Variants in ATP2B4 observed in about 807,000 individuals in gnomAD.
ATP2B4 encodes ATPase plasma membrane Ca2+ transporting 4.
Under a neutral mutation model 110.3 loss-of-function variants are expected in ATP2B4, and 39 were observed. The ratio of observed to expected loss-of-function variants is 0.35; its 90% CI spans 0.27 to 0.46. ATP2B4 has a LOEUF of 0.46. Among genes scored for constraint, ATP2B4 ranks in the 20% least tolerant of loss-of-function variants. The pLI is 1.00. For missense variants in ATP2B4, 1,135 were observed against 1,530.9 expected, an observed-to-expected ratio of 0.74 and a Z score of 4.32; for synonymous variants, 538 against 571.7, an observed-to-expected ratio of 0.94 and a Z score of 0.84.
At chr1:203,634,014 C>T (rs1013915380) in intron 1 of ATP2B4, among the ~76,000 whole-genome samples, 19 of 152,128 alleles carry the variant, frequency 1.2e-4, no homozygotes, top group African/African-American at 4.6e-4. Context: ...CACACTATTG[C>T]ACTCCAGCCT....
intron 15 of ATP2B4, among the ~76,000 whole-genome samples, chr1:203,719,161 G>A (rs1167933579): frequency 6.8e-6 from 1 of 146,554 alleles, no homozygotes; most frequent in African/African-American, 2.6e-5. Context: ...AGAATTCAAG[G>A]CTGCAGTGAG....
At position 203,683,138 on chromosome 1, in the gene ATP2B4, A is replaced by G; in HGVS notation, c.-68A>G. On this transcript the variant is annotated 5_prime_UTR_variant, in exon 2 of 21. Transcript: ENST00000357681. Reference sequence around the variant, plus strand: ...GAAGAAGTTGAGACAGGGAGGCAGGAGACACTGGTCAGTTGAAGGGAAACG... The same window carrying G: ...GAAGAAGTTGAGACAGGGAGGCAGGGGACACTGGTCAGTTGAAGGGAAACG... 1 of 1,533,040 alleles carries G rather than the reference A, an allele frequency of 6.5e-7. No individual in the cohort carries two copies. Among genetic ancestry groups the G allele is most frequent in the Non-Finnish European group, 8.8e-7 (1 of 1,131,736 alleles). The allele number at this position is 1,533,040 out of a possible 1,614,324, so 95.0% of individuals were successfully genotyped here. A position where few individuals can be genotyped will look rare whatever the true frequency, so the allele number is the denominator to read the frequency against.
At chr1:203,713,528 A>G (rs1056389348) in intron 14 of ATP2B4, among the ~76,000 whole-genome samples, 1 of 151,888 alleles carries the variant, frequency 6.6e-6, no homozygotes, top group Non-Finnish European at 1.5e-5. Flanking sequence ...GGAGTGGTGC[A>G]ATCTCAGCTC....
intron 1 of ATP2B4, among the ~76,000 whole-genome samples, chr1:203,643,554 C>T (rs545332373): frequency 3.3e-5 from 5 of 152,324 alleles, no homozygotes; most frequent in South Asian, 2.1e-4. Flanking sequence ...CAAGATAATG[C>T]GTGAACCAGA....
At chr1:203,693,643 T>A (rs1665448253) in intron 2 of ATP2B4, among the ~76,000 whole-genome samples, 1 of 152,192 alleles carries the variant, frequency 6.6e-6, no homozygotes. Flanking sequence ...TGGACTCTGA[T>A]GAACCTGATG....
At chr1:203,650,836 TCCTC>T (rs1663967448) in intron 1 of ATP2B4, among the ~76,000 whole-genome samples, 1 of 152,226 alleles carries the variant, frequency 6.6e-6, no homozygotes, top group Non-Finnish European at 1.5e-5. Context: ...CTCATCCCCT[TCCTC>T]CCTCTACCAC....
chr1:203,712,276 A>C, intron 13 of ATP2B4, 137 bp downstream of exon 13: 2 of 1,051,580 alleles, frequency 1.9e-6, no homozygotes, highest in South Asian at 1.6e-5. Flanking sequence ...ATCTCCTTGT[A>C]CCAAACTGCT....
intron 15 of ATP2B4, among the ~76,000 whole-genome samples, chr1:203,716,986 G>A (rs1367775761): frequency 1.4e-5 from 2 of 144,108 alleles, no homozygotes; most frequent in Non-Finnish European, 3.1e-5. Flanking sequence ...AGATCACGAG[G>A]TCAGGAGTTC....
At chr1:203,734,305 A>G (rs920940769) in intron 20 of ATP2B4, among the ~76,000 whole-genome samples, 37 of 147,350 alleles carry the variant, frequency 2.5e-4, no homozygotes, top group Non-Finnish European at 3.9e-4. Context: ...CTCTGTCTCA[A>G]AAAAAAAAAA....
At chr1:203,699,911 G>A (rs1197177690) in intron 4 of ATP2B4, among the ~76,000 whole-genome samples, 194 bp downstream of exon 4, 1 of 152,234 alleles carries the variant, frequency 6.6e-6, no homozygotes, top group Non-Finnish European at 1.5e-5. Flanking sequence ...TCTGTCGCAA[G>A]ATTGTCAGAC....
At chr1:203,713,079 G>A in intron 13 of ATP2B4, 86 bp from the exon 14 acceptor site, 1 of 1,412,182 alleles carries the variant, frequency 7.1e-7, no homozygotes, top group Non-Finnish European at 1.0e-6. Flanking sequence ...CAATCTCCCA[G>A]TGACTCCAAG....
At chr1:203,638,022 AT>A (rs1663509821) in intron 1 of ATP2B4, among the ~76,000 whole-genome samples, 1 of 152,008 alleles carries the variant, frequency 6.6e-6, no homozygotes, top group Admixed American at 6.6e-5. Context: ...CTTAGTGGGA[AT>A]GGGGAGACTA....
In ATP2B4 at chr1:203,637,749, G is replaced by A. The variant is rs546350087; in HGVS notation, c.-465+10530G>A. Among the ~76,000 whole-genome samples the A allele has an allele frequency of 5.9e-5, 9 of 152,346 alleles. No homozygotes were observed. The East Asian group carries it at 1.7e-3, about 29-fold the overall frequency. ...CATTAGCCTTCCTGGCAACTGGCCAGGGAAGCTGCCCAAGGTAGAGAGGAA... is the reference window on the plus strand; with the variant it reads ...CATTAGCCTTCCTGGCAACTGGCCAAGGAAGCTGCCCAAGGTAGAGAGGAA... On this transcript the variant is annotated intron_variant, in intron 1 of 20. Coordinates refer to ENST00000357681, the MANE Select transcript of ATP2B4 (RefSeq NM_001684.5).
chr1:203,669,956 A>G (rs902009569), intron 1 of ATP2B4, among the ~76,000 whole-genome samples: 7 of 152,184 alleles, frequency 4.6e-5, no homozygotes, highest in Non-Finnish European at 1.0e-4. Context: ...AACAATGACC[A>G]GCTGGGGCTG....
At position 203,743,371 on chromosome 1, in the gene ATP2B4, A is replaced by G. The variant is rs372547848; in HGVS notation, c.*3517A>G. 1 of 152,574 alleles carries G rather than the reference A, an allele frequency of 6.6e-6. No individual in the cohort carries two copies. Among genetic ancestry groups the G allele is most frequent in the Admixed American group, 6.5e-5 (1 of 15,270 alleles). 9.5% of individuals were successfully genotyped at this position (152,574 alleles called of 1,614,324 possible). A position where few individuals can be genotyped will look rare whatever the true frequency, so the allele number is the denominator to read the frequency against. ...GGGTGGGCACTTATAAATGCCTGCTATTGTTAAGCCATTCCAGCCTCTTCC... is the reference window on the plus strand; with the variant it reads ...GGGTGGGCACTTATAAATGCCTGCTGTTGTTAAGCCATTCCAGCCTCTTCC... On this transcript the variant is annotated 3_prime_UTR_variant, in exon 21 of 21. Transcript: ENST00000357681.
chr1:203,628,824 G>C (rs1172033469), intron 1 of ATP2B4, among the ~76,000 whole-genome samples: 1 of 152,100 alleles, frequency 6.6e-6, no homozygotes, highest in Non-Finnish European at 1.5e-5. Flanking sequence ...AAGGGGAGTG[G>C]AAGAGGCCTC....
At chr1:203,667,768 A>G (rs1664550301) in intron 1 of ATP2B4, among the ~76,000 whole-genome samples, 1 of 152,168 alleles carries the variant, frequency 6.6e-6, no homozygotes, top group African/African-American at 2.4e-5. Context: ...GGAGGGAGGG[A>G]AGACAGCAGC....
rs79602313 is a variant in ATP2B4 at position 203,634,150 on chromosome 1, C to T, written c.-465+6931C>T. Among the ~76,000 whole-genome samples, 992 of 152,158 alleles carry T rather than the reference C, an allele frequency of 6.5e-3. 8 individuals carry two copies. Among genetic ancestry groups the T allele is most frequent in the East Asian group, 0.044 (227 of 5,184 alleles). On this transcript the variant is annotated intron_variant, in intron 1 of 20. Transcript: ENST00000357681. ...TTTGATATATGCATACATTACGGAA[C>T]GATTAAGTCAAACTATCAACATATC...
intron 8 of ATP2B4, among the ~76,000 whole-genome samples, chr1:203,704,984 A>T (rs1216718288): frequency 6.6e-6 from 1 of 152,136 alleles, no homozygotes; most frequent in Non-Finnish European, 1.5e-5. Flanking sequence ...AGCACCGCTG[A>T]TTCAGTTTGC....
Sources: allele counts gnomAD v4.1 joint callset (sites outside exome capture counted in the v4.1 genomes callset), GRCh38; gene constraint gnomAD v4.1.1; transcripts MANE v1.5; gene names NCBI Gene and HGNC (gene_info 2026-07-23, HGNC 2026-07-21).